AKAP10: variants seen among roughly 807,000 people sequenced by gnomAD.
AKAP10 encodes A-kinase anchor protein 10, mitochondrial.
In AKAP10, 24 loss-of-function variants were observed where a neutral mutation model predicts 80.8. The observed-to-expected ratio is 0.30, with a 90% CI of 0.22 to 0.42. AKAP10 has a LOEUF of 0.42. Ranked by LOEUF, AKAP10 falls within the 10% of genes least tolerant of loss-of-function variation. AKAP10 has a pLI of 1.00. For synonymous variants in AKAP10, 291 were observed against 277.7 expected, an observed-to-expected ratio of 1.05 and a Z score of -0.48; for missense variants, 661 against 794.9, an observed-to-expected ratio of 0.83 and a Z score of 2.03.
At chr17:19,927,744 TA>T (rs1250827907) in intron 10 of AKAP10, among the ~76,000 whole-genome samples, 1 of 150,688 alleles carries the variant, frequency 6.6e-6, no homozygotes, top group African/African-American at 2.4e-5. Context: ...ACCCTGTCTC[TA>T]AAAAAAATAC....
intron 12 of AKAP10, among the ~76,000 whole-genome samples, chr17:19,917,068 T>C (rs2152410403): frequency 6.6e-6 from 1 of 151,612 alleles, no homozygotes; most frequent in South Asian, 2.1e-4. Flanking sequence ...ATCGAGACCA[T>C]CCTGGCTGAC....
chr17:19,910,059 G>T, intron 12 of AKAP10, 81 bp from the exon 13 acceptor site: 1 of 1,380,970 alleles, frequency 7.2e-7, no homozygotes. Context: ...TGGCCATGGT[G>T]GTTCATGCCT....
intron 9 of AKAP10, among the ~76,000 whole-genome samples, chr17:19,935,159 G>A (rs1381042568): frequency 6.6e-6 from 1 of 152,108 alleles, no homozygotes; most frequent in Admixed American, 6.6e-5. Context: ...TTGCTTTTGG[G>A]CTACAAACCT....
intron 1 of AKAP10, among the ~76,000 whole-genome samples, chr17:19,972,430 T>A (rs188036971): frequency 2.0e-5 from 3 of 152,280 alleles, no homozygotes; most frequent in African/African-American, 7.2e-5. Context: ...TACTTTATTG[T>A]ATGAAAGTTT....
Position 19,906,144 on chromosome 17 carries a change from A to C in AKAP10, c.*83T>G. 8 of 1,431,970 alleles carry C rather than the reference A, an allele frequency of 5.6e-6. No individual in the cohort carries two copies. Among genetic ancestry groups the C allele is most frequent in the Non-Finnish European group, 7.8e-6 (8 of 1,022,108 alleles). 88.7% of individuals were successfully genotyped at this position (1,431,970 alleles called of 1,614,324 possible). A position where few individuals can be genotyped will look rare whatever the true frequency, so the allele number is the denominator to read the frequency against. On this transcript the variant is annotated 3_prime_UTR_variant, in exon 15 of 15. Coordinates refer to ENST00000225737, the MANE Select transcript of AKAP10 (RefSeq NM_007202.4). The stretch of plus-strand genomic sequence containing the variant: ...AGATCAGAAATATAGTGCTGTTTTC[A>C]TTGGCTGTGTTGAAGAATCCAACCA...
chr17:19,912,321 G>T (rs373869078), intron 12 of AKAP10, among the ~76,000 whole-genome samples: 6 of 152,308 alleles, frequency 3.9e-5, no homozygotes, highest in African/African-American at 1.4e-4. Flanking sequence ...TAGATCACCT[G>T]AGATCAGGAG....
chr17:19,917,616 C>T lies in AKAP10; in HGVS notation c.1834+2420G>A, dbSNP rs917406885. 2.0e-5 allele frequency among the ~76,000 whole-genome samples: 3 copies of T among 152,190 alleles called. No individual in the cohort carries two copies. The East Asian group carries it at 5.8e-4, about 29-fold the overall frequency. ...TCAGTCTCACAAAGTGCTCAGATTACAGGTATGAACCACCATGCAGCCCCC... is the reference window on the plus strand; with the variant it reads ...TCAGTCTCACAAAGTGCTCAGATTATAGGTATGAACCACCATGCAGCCCCC... On this transcript the variant is annotated intron_variant, in intron 12 of 14. Transcript: ENST00000225737.
chr17:19,919,928 A>C (rs2042791934), intron 12 of AKAP10, 108 bp downstream of exon 12: 1 of 863,974 alleles, frequency 1.2e-6, no homozygotes, highest in Non-Finnish European at 1.8e-6. Flanking sequence ...TGAAAGATAC[A>C]GTGGTTACTT....
rs59027197 is a variant in AKAP10, at chr17:19,907,410, C to CTTTT, written c.1984-1182_1984-1179dup. ...CTCATTATACTCTTGTTTTCTTTAA[C>CTTTT]TTTTTTTTTTTTTTTTTTGAGACAG... is the stretch of plus-strand genomic sequence containing the variant. On this transcript the variant is annotated intron_variant, in intron 14 of 14. Transcript: ENST00000225737. Among the ~76,000 whole-genome samples the CTTTT allele has an allele frequency of 2.1e-3, 282 of 136,396 alleles. 4 individuals carry two copies. Among genetic ancestry groups the CTTTT allele is most frequent in the African/African-American group, 7.2e-3 (267 of 37,218 alleles). The allele number at this position is 136,396 out of a possible 152,430, so 89.5% of individuals were successfully genotyped here.
At chr17:19,940,775 T>C (rs1437150395) in intron 7 of AKAP10, 112 bp downstream of exon 7, 4 of 1,257,776 alleles carry the variant, frequency 3.2e-6, no homozygotes, top group Non-Finnish European at 4.2e-6. Context: ...ATGATACATC[T>C]TTTTGGAAAT....
intron 3 of AKAP10, among the ~76,000 whole-genome samples, chr17:19,962,529 T>C (rs192608589): frequency 4.6e-5 from 7 of 152,336 alleles, no homozygotes; most frequent in African/African-American, 7.2e-5. Flanking sequence ...GCTAATGTGT[T>C]AGGAGAACAT....
chr17:19,924,261 T>C, intron 11 of AKAP10, 147 bp downstream of exon 11: 1 of 492,534 alleles, frequency 2.0e-6, no homozygotes, highest in Non-Finnish European at 3.4e-6. Context: ...GCCTTTATAC[T>C]TAACCACCAC....
At chr17:19,964,467 T>C (rs1001846345) in intron 2 of AKAP10, among the ~76,000 whole-genome samples, 7 of 152,364 alleles carry the variant, frequency 4.6e-5, no homozygotes, top group South Asian at 2.1e-4. Context: ...GCTCCCCTTC[T>C]TGAGGCTATC....
intron 4 of AKAP10, among the ~76,000 whole-genome samples, chr17:19,955,569 T>C (rs915093905): frequency 1.3e-5 from 2 of 152,118 alleles, no homozygotes; most frequent in African/African-American, 4.8e-5. Flanking sequence ...TGTATTACAA[T>C]TACAGAAACA....
chr17:19,958,088 G>A lies in AKAP10; in HGVS notation c.803C>T (p.Ser268Phe), dbSNP rs768755762. 8 of 1,614,070 alleles carry A rather than the reference G, an allele frequency of 5.0e-6. No individual in the cohort carries two copies. Among genetic ancestry groups the A allele is most frequent in the Non-Finnish European group, 3.4e-6 (4 of 1,180,038 alleles). The change falls in exon 4 of 15, where the codon TCC (serine) becomes TTC (phenylalanine). Residue 268 changes from serine to phenylalanine, a missense_variant. Coordinates refer to ENST00000225737, the MANE Select transcript of AKAP10 (RefSeq NM_007202.4). The stretch of plus-strand genomic sequence containing the variant: ...TCTACTGGCTACTGTAAGTGTAGAG[G>A]AAGATTCTTGGGTTTCCATGGAAAC... Reference protein sequence around the residue: ...HQVSMETQESSSTLTVASRNS... With the variant: ...HQVSMETQESFSTLTVASRNS...
At chr17:19,962,277 TACA>T (rs2043359376) in intron 3 of AKAP10, among the ~76,000 whole-genome samples, 1 of 140,578 alleles carries the variant, frequency 7.1e-6, no homozygotes, top group Admixed American at 7.5e-5. Flanking sequence ...CATACATACA[TACA>T]TACATACATA....
Position 19,947,516 on chromosome 17 carries a change from AG to A in AKAP10, c.878-12del, listed in dbSNP as rs780565512. 24 of 1,597,396 alleles carry A rather than the reference AG, an allele frequency of 1.5e-5. No individual in the cohort carries two copies. Among genetic ancestry groups the A allele is most frequent in the Non-Finnish European group, 2.0e-5 (23 of 1,166,308 alleles). ...CATCTTGTTCTATACCTGCAAGGGA[AG>A]AAGAGAACTTCAAAAACCAAAAAGC... On this transcript the variant is annotated splice_polypyrimidine_tract_variant and intron_variant, in intron 4 of 14. Transcript: ENST00000225737.
chr17:19,913,876 T>C (rs761581866), intron 12 of AKAP10, among the ~76,000 whole-genome samples: 1 of 152,160 alleles, frequency 6.6e-6, no homozygotes, highest in Non-Finnish European at 1.5e-5. Context: ...ATTCAGTCAA[T>C]AAATATTTAA....
chr17:19,967,190 A>G (rs1466336917), intron 2 of AKAP10, among the ~76,000 whole-genome samples: 1 of 152,208 alleles, frequency 6.6e-6, no homozygotes, highest in Non-Finnish European at 1.5e-5. Flanking sequence ...TTTCCATTAT[A>G]ATTTTCCCAC....
Sources: allele counts gnomAD v4.1 joint callset (sites outside exome capture counted in the v4.1 genomes callset), GRCh38; gene constraint gnomAD v4.1.1; transcripts MANE v1.5; gene names NCBI Gene and HGNC (gene_info 2026-07-23, HGNC 2026-07-21).